AIG1: variants seen among roughly 807,000 people sequenced by gnomAD.
AIG1 encodes androgen-induced gene 1 protein.
In AIG1, 23 loss-of-function variants were observed where a neutral mutation model predicts 31.4. The observed-to-expected ratio is 0.73, with a 90% CI of 0.53 to 1.04. The LOEUF is 1.04. Ranked by LOEUF, AIG1 falls within the 50% of genes least tolerant of loss-of-function variation. The pLI is 0.00. For synonymous variants in AIG1, 100 were observed against 110.5 expected (o/e 0.90, Z 0.60); for missense variants, 274 against 295.0 (o/e 0.93, Z 0.52).
At chr6:143,342,715 C>T (rs1025833203), downstream of AIG1, 3 of 1,044,902 alleles carry the variant, frequency 2.9e-6, no homozygotes, top group African/African-American at 4.7e-5. Flanking sequence ...AGGAGATTAA[C>T]AAGCGGTGGA....
At chr6:143,094,897 A>C (rs370486973) in intron 1 of AIG1, among the ~76,000 whole-genome samples, 1 of 152,210 alleles carries the variant, frequency 6.6e-6, no homozygotes, top group East Asian at 1.9e-4. Context: ...AATCCTCACT[A>C]TATTGAAAAA....
intron 2 of AIG1, among the ~76,000 whole-genome samples, chr6:143,152,018 A>G (rs1171825054): frequency 1.3e-5 from 2 of 152,162 alleles, no homozygotes; most frequent in African/African-American, 2.4e-5. Flanking sequence ...ACTCACTATT[A>G]AGATCATTTT....
At chr6:143,139,852 T>C (rs958279253) in intron 2 of AIG1, among the ~76,000 whole-genome samples, 3 of 152,216 alleles carry the variant, frequency 2.0e-5, no homozygotes, top group African/African-American at 7.2e-5. Flanking sequence ...GAAATTCATT[T>C]TGAGGCCAAA....
intron 3 of AIG1, among the ~76,000 whole-genome samples, chr6:143,176,025 C>A (rs953550376): frequency 6.6e-6 from 1 of 152,206 alleles, no homozygotes. Flanking sequence ...TGTACCCCTT[C>A]CCCTAAGGAG....
intron 1 of AIG1, among the ~76,000 whole-genome samples, chr6:143,090,082 A>G (rs781038155): frequency 5.9e-5 from 9 of 152,216 alleles, no homozygotes; most frequent in Non-Finnish European, 1.2e-4. Flanking sequence ...TCATTTTAGG[A>G]TGAAACTAAT....
At position 143,326,794 on chromosome 6, in the gene AIG1, T is replaced by A. The variant is rs9376744; in HGVS notation, c.516-6488T>A. Among the ~76,000 whole-genome samples, 1 of 151,938 alleles carries A rather than the reference T, an allele frequency of 6.6e-6. No homozygotes were observed. The highest frequency in any genetic ancestry group is 2.4e-5 in the African/African-American group (1 of 41,362). ...CTAACAGTACAGGCAGAAAGAAGAA[T>A]ATGTGAAAACCCACATTGCAGGAGG... On this transcript the variant is annotated intron_variant, in intron 4 of 5. Coordinates refer to ENST00000357847, the MANE Select transcript of AIG1 (RefSeq NM_016108.4). The surrounding 1 kb of genome is among the most constrained non-coding windows in gnomAD (Gnocchi z 4.5).
chr6:143,255,065 T>C (rs1795287846), intron 3 of AIG1, among the ~76,000 whole-genome samples: 2 of 152,184 alleles, frequency 1.3e-5, no homozygotes, highest in African/African-American at 4.8e-5. Flanking sequence ...TAGAAGTTTC[T>C]GATTCTGTAA....
intron 3 of AIG1, among the ~76,000 whole-genome samples, chr6:143,249,412 AG>A (rs1794847589): frequency 6.6e-6 from 1 of 152,210 alleles, no homozygotes; most frequent in African/African-American, 2.4e-5. Context: ...TTATGAACCT[AG>A]TAGGGGGATG....
At chr6:143,132,481 T>TC (rs1783333543) in intron 1 of AIG1, among the ~76,000 whole-genome samples, 1 of 152,132 alleles carries the variant, frequency 6.6e-6, no homozygotes, top group African/African-American at 2.4e-5. Context: ...ATGTTTTTTT[T>TC]CCCTCCAGTG....
chr6:143,116,373 A>G (rs538428564), intron 1 of AIG1, among the ~76,000 whole-genome samples: 4 of 152,212 alleles, frequency 2.6e-5, no homozygotes, highest in African/African-American at 9.6e-5. Flanking sequence ...AAGCAAGAAA[A>G]TGAAAAGAGT....
At chr6:143,111,539 T>C (rs1781277381) in intron 1 of AIG1, among the ~76,000 whole-genome samples, 1 of 152,206 alleles carries the variant, frequency 6.6e-6, no homozygotes, top group East Asian at 1.9e-4. Flanking sequence ...GAATTCTCAA[T>C]CTGGTGGAAC....
rs1490684479 is a variant in AIG1 at position 143,334,445 on chromosome 6, T to A, written c.679+1000T>A. 2.0e-5 allele frequency among the ~76,000 whole-genome samples: 3 copies of A among 152,220 alleles called. No individual in the cohort carries two copies. Among genetic ancestry groups the A allele is most frequent in the South Asian group, 4.1e-4 (2 of 4,824 alleles). ...TGAATCAGACTTTTGTGTGTGTGGA[T>A]CCTCTAAGATTGTATGTGTCAGGGT... On this transcript the variant is annotated intron_variant, in intron 5 of 5. Transcript: ENST00000357847. This position sits in a 1 kb window ranked among gnomAD's most constrained non-coding sequence, Gnocchi z 5.1.
intron 3 of AIG1, among the ~76,000 whole-genome samples, chr6:143,192,637 C>T (rs1285936178): frequency 2.0e-5 from 3 of 151,178 alleles, no homozygotes; most frequent in African/African-American, 7.3e-5. Flanking sequence ...TATTTTTTTC[C>T]TGTAACCAGT....
chr6:143,132,684 A>T (rs1307800754), intron 1 of AIG1, among the ~76,000 whole-genome samples: 1 of 151,714 alleles, frequency 6.6e-6, no homozygotes, highest in Middle Eastern at 3.2e-3. Flanking sequence ...GGTCTCCAAT[A>T]CACATATATT....
At chr6:143,187,328 A>G (rs1414459998) in intron 3 of AIG1, 1 of 1,384,034 alleles carries the variant, frequency 7.2e-7, no homozygotes, top group Non-Finnish European at 9.9e-7. Context: ...ATATGAACTA[A>G]TCAGACCACA....
chr6:143,104,394 G>T (rs1780608379), intron 1 of AIG1, among the ~76,000 whole-genome samples: 1 of 152,116 alleles, frequency 6.6e-6, no homozygotes, highest in Non-Finnish European at 1.5e-5. Flanking sequence ...TATAGTGAAG[G>T]GATTCCTTTC....
At position 143,136,815 on chromosome 6, in the gene AIG1, C is replaced by T. The variant is rs771348214; in HGVS notation, c.142-20C>T. On this transcript the variant is annotated intron_variant, in intron 1 of 5. Transcript: ENST00000357847. ...GTCTCCAGATCTTAATGACTCATAC[C>T]GGCTGTTGTCCCCCTACAGGTTATC... is the stretch of plus-strand genomic sequence containing the variant. 3.2e-5 allele frequency: 44 copies of T among 1,354,770 alleles called. No individual in the cohort carries two copies. Among genetic ancestry groups the T allele is most frequent in the Non-Finnish European group, 3.4e-5 (35 of 1,039,054 alleles). The allele number at this position is 1,354,770 out of a possible 1,614,324, so 83.9% of individuals were successfully genotyped here.
downstream of AIG1, among the ~76,000 whole-genome samples, chr6:143,341,308 A>C (rs1167492798): frequency 6.6e-6 from 1 of 152,218 alleles, no homozygotes; most frequent in Non-Finnish European, 1.5e-5. Flanking sequence ...TGAAGGATCC[A>C]GAGTTGGTTT....
rs747689252 is a variant in AIG1, at chr6:143,284,191, G to A, written c.481G>A (p.Ala161Thr). ...TCCCAGCAGGAGCAGCGGACTTACC[G>A]CCATATGTACCTTCTCTGTTGGCTA... ...QYPSRSSGLT[A>T]ICTFSVGYIL... The change falls in exon 4 of 6, where the codon GCC becomes ACC. Residue 161 changes from alanine (A) to threonine (T), a missense_variant. Coordinates refer to ENST00000357847, the MANE Select transcript of AIG1 (RefSeq NM_016108.4). This position sits in a 1 kb window ranked among gnomAD's most constrained non-coding sequence, Gnocchi z 4.4. 3.7e-6 allele frequency: 6 copies of A among 1,613,536 alleles called. No individual in the cohort carries two copies. Among genetic ancestry groups the A allele is most frequent in the East Asian group, 2.2e-5 (1 of 44,884 alleles).
Sources: allele counts gnomAD v4.1 joint callset (sites outside exome capture counted in the v4.1 genomes callset), GRCh38; gene constraint gnomAD v4.1.1; non-coding constraint Gnocchi (gnomAD v3.1); transcripts MANE v1.5; gene names NCBI Gene and HGNC (gene_info 2026-07-23, HGNC 2026-07-21).